OR2G6: variants seen among roughly 807,000 people sequenced by gnomAD.
OR2G6 encodes olfactory receptor 2G6.
For missense variants in OR2G6, 457 were observed against 391.3 expected (o/e 1.17, Z -1.42); for synonymous variants, 183 against 155.2 (o/e 1.18, Z -1.33).
rs542302468 is a variant in OR2G6 at position 248,523,444 on chromosome 1, A to G, written c.*847A>G. ...TATACTAAAATGTGTTTTAACATTT[A>G]TACAAAATTCATAAAATAAGTTATT... On this transcript the variant is annotated 3_prime_UTR_variant, in exon 2 of 2. Coordinates refer to ENST00000641804, the MANE Select transcript of OR2G6 (RefSeq NM_001013355.2). The G allele has an allele frequency of 1.3e-5, 2 of 152,210 alleles. No individual in the cohort carries two copies. Among genetic ancestry groups the G allele is most frequent in the Non-Finnish European group, 2.9e-5 (2 of 68,032 alleles). 9.4% of individuals were successfully genotyped at this position (152,210 alleles called of 1,614,324 possible).
Position 248,522,711 on chromosome 1 carries a change from T to C in OR2G6, c.*114T>C. On this transcript the variant is annotated 3_prime_UTR_variant, in exon 2 of 2. Transcript: ENST00000641804. ...CCACAGGGACTAGGAAGCATTGGAA[T>C]TCTAAAGAAGGGAAACACCTCAAGG... 1.4e-6 allele frequency: 1 copy of C among 693,128 alleles called. No homozygotes were observed. Among genetic ancestry groups the C allele is most frequent in the East Asian group, 2.7e-5 (1 of 37,102 alleles). The allele number at this position is 693,128 out of a possible 1,614,324, so 42.9% of individuals were successfully genotyped here. A position where few individuals can be genotyped will look rare whatever the true frequency, so the allele number is the denominator to read the frequency against.
intron 1 of OR2G6, among the ~76,000 whole-genome samples, chr1:248,520,243 G>A (rs947326640): frequency 6.6e-6 from 1 of 152,112 alleles, no homozygotes; most frequent in African/African-American, 2.4e-5. Flanking sequence ...ATGGACACAG[G>A]GAGGGGAACA....
rs1180717455 is a variant in OR2G6 at position 248,521,830 on chromosome 1, T to C, written c.184T>C (p.Phe62Leu). 1.3e-5 allele frequency: 21 copies of C among 1,614,194 alleles called. No homozygotes were observed. Among genetic ancestry groups the C allele is most frequent in the Non-Finnish European group, 1.8e-5 (21 of 1,180,022 alleles). The change falls in exon 2 of 2, where the codon TTC (phenylalanine) becomes CTC (leucine). Residue 62 changes from phenylalanine (F) to leucine (L), a missense_variant. Coordinates refer to ENST00000641804, the MANE Select transcript of OR2G6 (RefSeq NM_001013355.2). ...CAGACTCCACACTCCAATGTACTTCTTCCTCAGCAACCTCTCGTGTGTGGA... is the reference window on the plus strand; with the variant it reads ...CAGACTCCACACTCCAATGTACTTCCTCCTCAGCAACCTCTCGTGTGTGGA... ...DSRLHTPMYF[F>L]LSNLSCVDIC...
rs1376560783 is a variant in OR2G6, at chr1:248,523,471, T to A, written c.*874T>A. 6.6e-6 allele frequency: 1 copy of A among 152,088 alleles called. No individual in the cohort carries two copies. The highest frequency in any genetic ancestry group is 1.5e-5 in the Non-Finnish European group (1 of 68,030). The allele number at this position is 152,088 out of a possible 1,614,324, so 9.4% of individuals were successfully genotyped here. ...ACAAAATTCATAAAATAAGTTATTG[T>A]TTTTGGCCTTAAACTCTGGAAAACA... On this transcript the variant is annotated 3_prime_UTR_variant, in exon 2 of 2. Transcript: ENST00000641804.
intron 1 of OR2G6, among the ~76,000 whole-genome samples, chr1:248,509,060 G>A (rs1388417802): frequency 2.0e-5 from 1 of 49,776 alleles, no homozygotes; most frequent in East Asian, 1.5e-3. Context: ...TATTTATTTA[G>A]TGTGGTGAGA....
chr1:248,525,823 G>A lies in OR2G6; in HGVS notation c.*3226G>A, dbSNP rs1238314160. 1 of 152,094 alleles carries A rather than the reference G, an allele frequency of 6.6e-6. No homozygotes were observed. Among genetic ancestry groups the A allele is most frequent in the East Asian group, 1.9e-4 (1 of 5,184 alleles). The allele number at this position is 152,094 out of a possible 1,614,324, so 9.4% of individuals were successfully genotyped here. ...GAGGTCAGGAGTTCAAGCTCAGCCT[G>A]GCCAGCATGGTGAAACCCCATGTCT... is the stretch of plus-strand genomic sequence containing the variant. On this transcript the variant is annotated 3_prime_UTR_variant, in exon 2 of 2. Transcript: ENST00000641804.
In OR2G6 at chr1:248,521,040, TAAAAAAA is replaced by T. The variant is rs56891856; in HGVS notation, c.-36-552_-36-546del. Among the ~76,000 whole-genome samples the T allele has an allele frequency of 3.4e-3, 287 of 83,946 alleles. 2 individuals are homozygous for T. The highest frequency in any genetic ancestry group is 0.011 in the African/African-American group (249 of 22,546). 55.1% of individuals were successfully genotyped at this position (83,946 alleles called of 152,430 possible). A position where few individuals can be genotyped will look rare whatever the true frequency, so the allele number is the denominator to read the frequency against. The stretch of plus-strand genomic sequence containing the variant: ...CTGGGAGACAGAGTGAGATTCCATC[TAAAAAAA>T]AAAAAAAAAAAAAAAAAATACAACA... On this transcript the variant is annotated intron_variant, in intron 1 of 1. Coordinates refer to ENST00000641804, the MANE Select transcript of OR2G6 (RefSeq NM_001013355.2).
chr1:248,520,349 G>C (rs1452843339), intron 1 of OR2G6, among the ~76,000 whole-genome samples: 1 of 152,032 alleles, frequency 6.6e-6, no homozygotes, highest in Non-Finnish European at 1.5e-5. Context: ...ATGGCTGCAG[G>C]AAACCACCAT....
rs1664308021 is a variant in OR2G6, at chr1:248,522,306, T to G, written c.660T>G (p.Phe220Leu). 2 of 1,614,104 alleles carry G rather than the reference T, an allele frequency of 1.2e-6. No individual in the cohort carries two copies. Among genetic ancestry groups the G allele is most frequent in the African/African-American group, 1.3e-5 (1 of 74,942 alleles). The change falls in exon 2 of 2, where the codon TTT becomes TTG. Residue 220 changes from phenylalanine (F) to leucine (L), a missense_variant. Phe to Leu is a conservative substitution (Grantham distance 22, BLOSUM62 0). Transcript: ENST00000641804. ...TACTCATCTTAGTCTCCTATGGCTTTATCACTCAAGCTGTGTTAAGGATAA... is the reference window on the plus strand; with the variant it reads ...TACTCATCTTAGTCTCCTATGGCTTGATCACTCAAGCTGTGTTAAGGATAA... ...PVLLILVSYG[F>L]ITQAVLRIKS...
At position 248,527,212 on chromosome 1, in the gene OR2G6, C is replaced by G. The variant is rs1230373425; in HGVS notation, c.*4615C>G. 6.6e-6 allele frequency: 1 copy of G among 152,144 alleles called. No homozygotes were observed. The highest frequency in any genetic ancestry group is 2.4e-5 in the African/African-American group (1 of 41,428). The allele number at this position is 152,144 out of a possible 1,614,324, so 9.4% of individuals were successfully genotyped here. A position where few individuals can be genotyped will look rare whatever the true frequency, so the allele number is the denominator to read the frequency against. On this transcript the variant is annotated 3_prime_UTR_variant, in exon 2 of 2. Coordinates refer to ENST00000641804, the MANE Select transcript of OR2G6 (RefSeq NM_001013355.2). Reference sequence around the variant, plus strand: ...TCCAGTTTCAGCTTTCTACATATGGCTAGTCAGTTTTCCCAGCACCATTTG... The same window carrying G: ...TCCAGTTTCAGCTTTCTACATATGGGTAGTCAGTTTTCCCAGCACCATTTG...
At position 248,508,849 on chromosome 1, in the gene OR2G6, T is replaced by TA. The variant is rs1276668005; in HGVS notation, c.-37+425dup. Among the ~76,000 whole-genome samples the TA allele has an allele frequency of 1.2e-3, 131 of 106,730 alleles. 5 individuals are homozygous for TA. Among genetic ancestry groups the TA allele is most frequent in the Non-Finnish European group, 1.7e-3 (93 of 55,770 alleles). The allele number at this position is 106,730 out of a possible 152,430, so 70.0% of individuals were successfully genotyped here. A position where few individuals can be genotyped will look rare whatever the true frequency, so the allele number is the denominator to read the frequency against. ...AATTTTACTTATTATAAATGTTTTT[T>TA]AAAAACAAGGGAAGGAAACATAATC... On this transcript the variant is annotated intron_variant, in intron 1 of 1. Coordinates refer to ENST00000641804, the MANE Select transcript of OR2G6 (RefSeq NM_001013355.2).
rs1217319344 is a variant in OR2G6, at chr1:248,525,951, G to C, written c.*3354G>C. The C allele has an allele frequency of 6.6e-6, 1 of 150,458 alleles. No homozygotes were observed. The highest frequency in any genetic ancestry group is 1.5e-5 in the Non-Finnish European group (1 of 68,160). The allele number at this position is 150,458 out of a possible 1,614,324, so 9.3% of individuals were successfully genotyped here. ...GAGAATTGCTTGAACCTAGGAGGCA[G>C]AGGTTGCAGTGAGCCAAGATCGTGC... On this transcript the variant is annotated 3_prime_UTR_variant, in exon 2 of 2. Coordinates refer to ENST00000641804, the MANE Select transcript of OR2G6 (RefSeq NM_001013355.2).
chr1:248,520,515 C>T (rs1664261237), intron 1 of OR2G6, among the ~76,000 whole-genome samples: 1 of 151,802 alleles, frequency 6.6e-6, no homozygotes, highest in South Asian at 2.1e-4. Flanking sequence ...TACAAATTCT[C>T]CCTTTTATTT....
Position 248,522,844 on chromosome 1 carries a change from A to C in OR2G6, c.*247A>C. On this transcript the variant is annotated 3_prime_UTR_variant, in exon 2 of 2. Coordinates refer to ENST00000641804, the MANE Select transcript of OR2G6 (RefSeq NM_001013355.2). ...AAGAGAAACACACCAAAGCAGCATG[A>C]GGGTTCATCCTCCCAGACATTCCTC... 1 of 460,940 alleles carries C rather than the reference A, an allele frequency of 2.2e-6. No homozygotes were observed. Among genetic ancestry groups the C allele is most frequent in the Non-Finnish European group, 3.8e-6 (1 of 261,562 alleles). The allele number at this position is 460,940 out of a possible 1,614,324, so 28.6% of individuals were successfully genotyped here.
rs963977147 is a variant in OR2G6 at position 248,526,846 on chromosome 1, T to C, written c.*4249T>C. 1.3e-5 allele frequency: 2 copies of C among 152,160 alleles called. No homozygotes were observed. The highest frequency in any genetic ancestry group is 4.8e-5 in the African/African-American group (2 of 41,454). 9.4% of individuals were successfully genotyped at this position (152,160 alleles called of 1,614,324 possible). On this transcript the variant is annotated 3_prime_UTR_variant, in exon 2 of 2. Transcript: ENST00000641804. ...TCGCCCACTTTTTGATGGGTTTTTT[T>C]TTTCTTGTAAATTTGTTTGAGTTCT...
intron 1 of OR2G6, among the ~76,000 whole-genome samples, chr1:248,521,051 A>AG (rs1664274491): frequency 6.8e-6 from 1 of 146,820 alleles, no homozygotes; most frequent in Non-Finnish European, 1.5e-5. Context: ...AAAAAAAAAA[A>AG]AAAAAAAAAA....
In OR2G6 at chr1:248,522,118, A is replaced by C. The variant is rs769675959; in HGVS notation, c.472A>C (p.Ile158Leu). 6.8e-6 allele frequency: 11 copies of C among 1,613,850 alleles called. No individual in the cohort carries two copies. The African/African-American group carries it at 1.3e-4, about 20-fold the overall frequency. ...AWLSGLITSLIQCSLTVQLPL... is the reference protein window; with the variant it reads ...AWLSGLITSLLQCSLTVQLPL... ...GCTCAGCGGCCTCATCACCTCCCTA[A>C]TTCAGTGCTCCCTCACTGTGCAGCT... is the stretch of plus-strand genomic sequence containing the variant. Residue 158 changes from isoleucine to leucine, a missense_variant, in exon 2 of 2, where the codon ATT (isoleucine) becomes CTT (leucine). Transcript: ENST00000641804.
intron 1 of OR2G6, among the ~76,000 whole-genome samples, chr1:248,520,363 A>T (rs924594437): frequency 1.3e-5 from 2 of 150,622 alleles, no homozygotes; most frequent in Admixed American, 6.6e-5. Flanking sequence ...CCACCATGGC[A>T]TGTGTATACT....
chr1:248,520,517 CT>C (rs970541865), intron 1 of OR2G6, among the ~76,000 whole-genome samples: 1 of 152,132 alleles, frequency 6.6e-6, no homozygotes, highest in African/African-American at 2.4e-5. Flanking sequence ...CAAATTCTCC[CT>C]TTTATTTTGA....
Sources: allele counts gnomAD v4.1 joint callset (sites outside exome capture counted in the v4.1 genomes callset), GRCh38; gene constraint gnomAD v4.1.1; transcripts MANE v1.5; gene names NCBI Gene and HGNC (gene_info 2026-07-23, HGNC 2026-07-21).